The following PLAU variants were observed in gnomAD, a reference collection of about 807,000 sequenced individuals.
PLAU encodes plasminogen activator, urokinase, also known as urokinase-type plasminogen activator.
Under a neutral mutation model 48.9 loss-of-function variants are expected in PLAU, and 32 were observed. The ratio of observed to expected loss-of-function variants is 0.65; its 90% CI spans 0.49 to 0.88. PLAU has a LOEUF of 0.88. Among genes scored for constraint, PLAU ranks in the 40% least tolerant of loss-of-function variants. The probability of loss-of-function intolerance (pLI) is 0.00; values close to 1 mark genes in which losing one functional copy is unlikely to be tolerated. For missense variants in PLAU, 455 were observed against 545.2 expected, an observed-to-expected ratio of 0.83 and a Z score of 1.65; for synonymous variants, 199 against 205.7, an observed-to-expected ratio of 0.97 and a Z score of 0.28.
chr10:73,911,855 T>C (rs2096124977), intron 2 of PLAU, 186 bp from the exon 3 acceptor site: 1 of 1,552,760 alleles, frequency 6.4e-7, no homozygotes, highest in South Asian at 1.2e-5. Context: ...TAGATGAAGC[T>C]TGCTTGGGTC....
At chr10:73,909,122 T>A (rs1003387775), upstream of PLAU, 5 of 152,172 alleles carry the variant, frequency 3.3e-5, no homozygotes, top group African/African-American at 9.7e-5. Context: ...GGTGTCACGC[T>A]TCATAACGGT....
chr10:73,915,825 GAGA>G (rs2096135573), intron 10 of PLAU, among the ~76,000 whole-genome samples: 1 of 152,212 alleles, frequency 6.6e-6, no homozygotes, highest in South Asian at 2.1e-4. Flanking sequence ...ATACAAAACT[GAGA>G]AGGAGGCTGG....
chr10:73,908,978 A>T (rs2131709558), upstream of PLAU, among the ~76,000 whole-genome samples: 52 of 130,276 alleles, frequency 4.0e-4, no homozygotes, highest in African/African-American at 1.9e-3. Context: ...CTTGTCTTTA[A>T]AAAAAAAAAA....
Position 73,912,687 on chromosome 10 carries a change from C to A in PLAU, c.194-237C>A, listed in dbSNP as rs190634377. Among the ~76,000 whole-genome samples, 869 of 152,130 alleles carry A rather than the reference C, an allele frequency of 5.7e-3. 3 individuals are homozygous for A. The highest frequency in any genetic ancestry group is 8.4e-3 in the Non-Finnish European group (568 of 67,990). On this transcript the variant is annotated intron_variant, in intron 4 of 10. Transcript: ENST00000372764. ...ACAACATGGTGTAACCCTGCCTCTA[C>A]TAAAAATGCAAAAATCAGCCTGGCA...
Position 73,913,649 on chromosome 10 carries a change from C to A in PLAU, c.571C>A (p.Pro191Thr), listed in dbSNP as rs1001108568. Residue 191 changes from proline (P) to threonine (T), a missense_variant, in exon 7 of 11, where the codon CCC becomes ACC. Physicochemically the swap from Pro to Thr is conservative, Grantham distance 38. Coordinates refer to ENST00000372764, the MANE Select transcript of PLAU (RefSeq NM_002658.6). ...GGEFTTIENQ[P>T]WFAAIYRRHR... is the part of the protein sequence containing the mutation. Reference sequence around the variant, plus strand: ...AGAATTCACCACCATCGAGAACCAGCCCTGGTTTGCGGCCATCTACAGGAG... The same window carrying A: ...AGAATTCACCACCATCGAGAACCAGACCTGGTTTGCGGCCATCTACAGGAG... 6.8e-6 allele frequency: 11 copies of A among 1,613,848 alleles called. No homozygotes were observed. The highest frequency in any genetic ancestry group is 3.3e-5 in the Admixed American group (2 of 59,998).
chr10:73,913,009 C>T lies in PLAU; in HGVS notation c.279C>T (p.Pro93=). 6.2e-7 allele frequency: 1 copy of T among 1,614,168 alleles called. No individual in the cohort carries two copies. Among genetic ancestry groups the T allele is most frequent in the Non-Finnish European group, 8.5e-7 (1 of 1,180,016 alleles). The stretch of plus-strand genomic sequence containing the variant: ...ACACCATGGGCCGGCCCTGCCTGCC[C>T]TGGAACTCTGCCACTGTCCTTCAGC... ...STDTMGRPCL[P]WNSATVLQQT... Residue 93 remains proline, a synonymous_variant, in exon 5 of 11, where the codon CCC becomes CCT. Coordinates refer to ENST00000372764, the MANE Select transcript of PLAU (RefSeq NM_002658.6).
intron 6 of PLAU, 51 bp downstream of exon 6, chr10:73,913,432 A>G (rs2136188275): frequency 6.4e-7 from 1 of 1,553,194 alleles, no homozygotes; most frequent in Non-Finnish European, 8.9e-7. Context: ...GGACAAACTT[A>G]CATGTCCCCT....
Position 73,917,480 on chromosome 10 carries a change from A to G in PLAU, c.*915A>G, listed in dbSNP as rs1379001434. On this transcript the variant is annotated 3_prime_UTR_variant, in exon 11 of 11. Transcript: ENST00000372764. ...ATTTTAAATAAAAGTGATCAATAAA[A>G]TGTGATTTTTCTGATGACAAATCTC... is the stretch of plus-strand genomic sequence containing the variant. 6.5e-6 allele frequency: 1 copy of G among 152,674 alleles called. No homozygotes were observed. Among genetic ancestry groups the G allele is most frequent in the Non-Finnish European group, 1.5e-5 (1 of 68,046 alleles). The allele number at this position is 152,674 out of a possible 1,614,324, so 9.5% of individuals were successfully genotyped here.
chr10:73,911,561 A>G lies in PLAU; in HGVS notation c.6A>G (p.Arg2=), dbSNP rs2096124084. 1 of 1,612,886 alleles carries G rather than the reference A, an allele frequency of 6.2e-7. No individual in the cohort carries two copies. The highest frequency in any genetic ancestry group is 1.7e-5 in the Admixed American group (1 of 60,018). M[R]ALLARLLLCV... is the part of the protein sequence containing the mutation. ...AGCGCCCCGACCTCGCCACCATGAG[A>G]GCCCTGCTGGCGCGCCTGCTTCTCT... Residue 2 remains arginine (R), a synonymous_variant, in exon 2 of 11, where the codon AGA becomes AGG. Coordinates refer to ENST00000372764, the MANE Select transcript of PLAU (RefSeq NM_002658.6).
In PLAU at chr10:73,914,091, C is replaced by A; in HGVS notation, c.792C>A (p.Asp264Glu). The change falls in exon 8 of 11, where the codon GAC becomes GAA. Residue 264 changes from aspartate to glutamate, a missense_variant. Asp to Glu is a conservative substitution (Grantham distance 45, BLOSUM62 2). Coordinates refer to ENST00000372764, the MANE Select transcript of PLAU (RefSeq NM_002658.6). ...TGGAAAACCTCATCCTACACAAGGA[C>A]TACAGCGCTGACACGCTTGCTCACC... ...FEVENLILHK[D>E]YSADTLAHHN... 2 of 1,614,206 alleles carry A rather than the reference C, an allele frequency of 1.2e-6. No homozygotes were observed. Among genetic ancestry groups the A allele is most frequent in the Non-Finnish European group, 1.7e-6 (2 of 1,180,036 alleles).
chr10:73,913,832 G>C, intron 7 of PLAU, 74 bp downstream of exon 7: 3 of 1,419,590 alleles, frequency 2.1e-6, no homozygotes, highest in Admixed American at 2.0e-5. Context: ...TCCCAGCAAA[G>C]TGTTCCGCCT....
At chr10:73,915,169 T>A in intron 9 of PLAU, 82 bp from the exon 10 acceptor site, 1 of 1,406,192 alleles carries the variant, frequency 7.1e-7, no homozygotes, top group Non-Finnish European at 9.8e-7. Context: ...CTGGTAGAGA[T>A]ACTTTATGGT....
rs574195820 is a variant in PLAU, at chr10:73,913,262, G to C, written c.369-28G>C. ...CAGGGAAGGCCCTCTGGGTTGGAAT[G>C]ACATCCCCTATCTTTCTGTGTTGCC... On this transcript the variant is annotated intron_variant, in intron 5 of 10. Coordinates refer to ENST00000372764, the MANE Select transcript of PLAU (RefSeq NM_002658.6). The C allele has an allele frequency of 6.2e-6, 10 of 1,611,900 alleles. No homozygotes were observed. In the South Asian group the frequency reaches 1.1e-4, roughly 18 times the overall value.
chr10:73,915,400 G>A lies in PLAU; in HGVS notation c.1119+1G>A, dbSNP rs752626889. On this transcript the variant is annotated splice_donor_variant, in intron 10 of 10. Coordinates refer to ENST00000372764, the MANE Select transcript of PLAU (RefSeq NM_002658.6). LOFTEE classifies it high-confidence loss of function. ...ACAGTGGAAAACAGATTCCTGCCAG[G>A]TGAGTGTTCCAAGCATCTCTCTCCA... 1 of 1,602,072 alleles carries A rather than the reference G, an allele frequency of 6.2e-7. No individual in the cohort carries two copies. Among genetic ancestry groups the A allele is most frequent in the East Asian group, 2.2e-5 (1 of 44,754 alleles).
At chr10:73,915,148 A>G in intron 9 of PLAU, 103 bp from the exon 10 acceptor site, 1 of 1,269,086 alleles carries the variant, frequency 7.9e-7, no homozygotes, top group Non-Finnish European at 1.1e-6. Flanking sequence ...GGAAGAGAAT[A>G]AGGGCCTTCC....
At chr10:73,914,422 A>G (rs2096131979) in intron 8 of PLAU, among the ~76,000 whole-genome samples, 1 of 152,218 alleles carries the variant, frequency 6.6e-6, no homozygotes, top group Admixed American at 6.5e-5. Context: ...ATGAATTAGA[A>G]AAAGACACAC....
intron 1 of PLAU, 138 bp downstream of exon 1, chr10:73,911,356 G>A (rs1190490259): frequency 1.4e-6 from 1 of 728,824 alleles, no homozygotes; most frequent in Non-Finnish European, 2.3e-6. Flanking sequence ...CCCCGTCCCG[G>A]GCGTCCCCCG....
In PLAU at chr10:73,914,847, C is replaced by T; in HGVS notation, c.901C>T (p.Pro301Ser). 6.2e-7 allele frequency: 1 copy of T among 1,614,094 alleles called. No homozygotes were observed. The change falls in exon 9 of 11, where the codon CCC becomes TCC. Residue 301 changes from proline (P) to serine (S), a missense_variant. Coordinates refer to ENST00000372764, the MANE Select transcript of PLAU (RefSeq NM_002658.6). ...PSRTIQTICL[P>S]SMYNDPQFGT... The stretch of plus-strand genomic sequence containing the variant: ...CCGGACTATACAGACCATCTGCCTG[C>T]CCTCGATGTATAACGATCCCCAGTT...
chr10:73,908,921 G>A (rs2131709521), upstream of PLAU, among the ~76,000 whole-genome samples: 10 of 151,738 alleles, frequency 6.6e-5, no homozygotes, highest in East Asian at 1.9e-3. Context: ...CAGCACTTTG[G>A]AAGGATGAGG....
Sources: allele counts gnomAD v4.1 joint callset (sites outside exome capture counted in the v4.1 genomes callset), GRCh38; gene constraint gnomAD v4.1.1; transcripts MANE v1.5; gene names NCBI Gene and HGNC (gene_info 2026-07-23, HGNC 2026-07-21).